The following HAO2 variants were observed in gnomAD, a reference collection of about 807,000 sequenced individuals.
The protein encoded by HAO2 is 2-Hydroxyacid oxidase 2.
HAO2 carries 42 observed loss-of-function variants against 37.4 expected under a neutral mutation model. That is an observed-to-expected ratio of 1.12 (90% CI 0.88 to 1.45). The LOEUF (loss-of-function observed/expected upper bound fraction) is 1.45. HAO2 is among the 40% of genes most tolerant of loss of function. The pLI is 0.00. For synonymous variants in HAO2, 180 were observed against 162.8 expected, an observed-to-expected ratio of 1.11 and a Z score of -0.81; for missense variants, 476 against 430.2, an observed-to-expected ratio of 1.11 and a Z score of -0.94.
chr1:119,382,651 A>T (rs1650046042), intron 2 of HAO2, among the ~76,000 whole-genome samples: 1 of 152,188 alleles, frequency 6.6e-6, no homozygotes, highest in South Asian at 2.1e-4. Context: ...GCAAAGCAGG[A>T]ATAGTGTGGA....
At chr1:119,387,557 T>TTA (rs1297030206) in intron 5 of HAO2, among the ~76,000 whole-genome samples, 1 of 152,224 alleles carries the variant, frequency 6.6e-6, no homozygotes, top group African/African-American at 2.4e-5. Context: ...ACACTAATTT[T>TTA]ATCACTATCA....
chr1:119,372,721 G>A (rs1007129646), intron 1 of HAO2, among the ~76,000 whole-genome samples: 2 of 152,216 alleles, frequency 1.3e-5, no homozygotes, highest in African/African-American at 4.8e-5. Flanking sequence ...CACGGGACCA[G>A]AAAAGTTCTT....
At chr1:119,385,490 C>T in intron 4 of HAO2, 3 of 777,584 alleles carry the variant, frequency 3.9e-6, no homozygotes, top group Non-Finnish European at 4.7e-6. Context: ...AAGTGACTGG[C>T]CAGACAGTCT....
At chr1:119,386,249 T>C (rs1190101002) in intron 4 of HAO2, among the ~76,000 whole-genome samples, 1 of 152,226 alleles carries the variant, frequency 6.6e-6, no homozygotes, top group Non-Finnish European at 1.5e-5. Flanking sequence ...GGTCTCACTC[T>C]GTCAGCCAGG....
intron 1 of HAO2, among the ~76,000 whole-genome samples, chr1:119,374,703 A>T (rs1649308413): frequency 6.6e-6 from 1 of 152,180 alleles, no homozygotes; most frequent in Non-Finnish European, 1.5e-5. Context: ...GTTTCCATAC[A>T]AATATAAGCT....
intron 4 of HAO2, 69 bp downstream of exon 4, chr1:119,385,122 T>C: frequency 1.3e-6 from 2 of 1,546,388 alleles, no homozygotes; most frequent in Non-Finnish European, 1.7e-6. Flanking sequence ...TTTTCTCCTT[T>C]CCTCCATTCT....
chr1:119,387,094 G>T (rs587633636), intron 5 of HAO2, among the ~76,000 whole-genome samples: 1 of 152,210 alleles, frequency 6.6e-6, no homozygotes, highest in East Asian at 1.9e-4. Flanking sequence ...TCCCTGATTT[G>T]CAAATGGGGA....
chr1:119,393,687 TC>T, intron 7 of HAO2, 97 bp from the exon 8 acceptor site: 1 of 925,288 alleles, frequency 1.1e-6, no homozygotes, highest in Non-Finnish European at 1.8e-6. Flanking sequence ...AGCACAAAGA[TC>T]AAGTCAGACT....
chr1:119,391,665 C>T (rs1650914437), intron 5 of HAO2, among the ~76,000 whole-genome samples: 1 of 152,140 alleles, frequency 6.6e-6, no homozygotes, highest in Middle Eastern at 3.2e-3. Context: ...GACATGCAGG[C>T]CATGGTCAAG....
At chr1:119,382,073 A>C (rs587649616) in intron 2 of HAO2, among the ~76,000 whole-genome samples, 117 of 152,294 alleles carry the variant, frequency 7.7e-4, no homozygotes, top group Admixed American at 4.4e-3. Flanking sequence ...AAATGGTATA[A>C]AAGGGAGCCC....
At chr1:119,369,637 G>T (rs1648805906) in intron 1 of HAO2, among the ~76,000 whole-genome samples, 1 of 152,190 alleles carries the variant, frequency 6.6e-6, no homozygotes, top group South Asian at 2.1e-4. Context: ...CTATGAGATA[G>T]ACAGTAATAA....
At chr1:119,371,592 A>G (rs984103276) in intron 1 of HAO2, among the ~76,000 whole-genome samples, 1 of 152,206 alleles carries the variant, frequency 6.6e-6, no homozygotes, top group African/African-American at 2.4e-5. Flanking sequence ...ATAGTGCTTA[A>G]GAGCCAGGCC....
Position 119,387,183 on chromosome 1 carries a change from A to C in HAO2, c.771+352A>C, listed in dbSNP as rs994597210. 2.0e-5 allele frequency among the ~76,000 whole-genome samples: 3 copies of C among 152,218 alleles called. No individual in the cohort carries two copies. In the South Asian group the frequency reaches 6.2e-4, roughly 31 times the overall value. ...AATAATTAATGTTGAATTTGATTAG[A>C]CAGATGTTCTAAAGTAAACACGTTT... On this transcript the variant is annotated intron_variant, in intron 5 of 7. Coordinates refer to ENST00000325945, the MANE Select transcript of HAO2 (RefSeq NM_016527.4).
chr1:119,385,244 T>C (rs1650287420), intron 4 of HAO2, 191 bp downstream of exon 4: 1 of 985,002 alleles, frequency 1.0e-6, no homozygotes. Context: ...ACAAGCACAA[T>C]CAACATAAGA....
chr1:119,392,941 A>C (rs1302371379), intron 7 of HAO2, among the ~76,000 whole-genome samples: 1 of 152,060 alleles, frequency 6.6e-6, no homozygotes, highest in Non-Finnish European at 1.5e-5. Context: ...GAATTCGTTC[A>C]ATTTACGGAC....
At chr1:119,371,674 C>A (rs1176166675) in intron 1 of HAO2, among the ~76,000 whole-genome samples, 4 of 152,118 alleles carry the variant, frequency 2.6e-5, no homozygotes, top group African/African-American at 9.7e-5. Flanking sequence ...CTTCAGGTTT[C>A]TCACCCGTGA....
chr1:119,392,548 T>A, intron 6 of HAO2, 70 bp from the exon 7 acceptor site: 1 of 998,124 alleles, frequency 1.0e-6, no homozygotes, highest in East Asian at 2.4e-5. Flanking sequence ...CATCTAGAAT[T>A]TATACTAGTG....
At chr1:119,393,685 G>T (rs587666054) in intron 7 of HAO2, 100 bp from the exon 8 acceptor site, 77 of 912,476 alleles carry the variant, frequency 8.4e-5, no homozygotes, top group African/African-American at 7.6e-4. Flanking sequence ...TGAGCACAAA[G>T]ATCAAGTCAG....
intron 3 of HAO2, among the ~76,000 whole-genome samples, chr1:119,383,270 A>G (rs1373352478): frequency 1.3e-5 from 2 of 152,258 alleles, no homozygotes; most frequent in East Asian, 3.9e-4. Flanking sequence ...AAGAATAGTT[A>G]GAGTGCAAGG....
Sources: allele counts gnomAD v4.1 joint callset (sites outside exome capture counted in the v4.1 genomes callset), GRCh38; gene constraint gnomAD v4.1.1; transcripts MANE v1.5; gene names NCBI Gene and HGNC (gene_info 2026-07-23, HGNC 2026-07-21).